The following LAMB1 variants were observed in gnomAD, a reference collection of about 807,000 sequenced individuals.
LAMB1 encodes laminin subunit beta 1.
LAMB1 carries 121 observed loss-of-function variants against 222.3 expected under a neutral mutation model. That is an observed-to-expected ratio of 0.54 (90% CI 0.47 to 0.63). The LOEUF (loss-of-function observed/expected upper bound fraction) is 0.63, where lower values mean the gene tolerates loss of function less well. LAMB1 is among the 30% of genes least tolerant of loss of function. The probability of loss-of-function intolerance (pLI) is 0.00; values close to 1 mark genes in which losing one functional copy is unlikely to be tolerated. For missense variants in LAMB1, 2,172 were observed against 2,240.8 expected (o/e 0.97, Z 0.62); for synonymous variants, 794 against 807.2 (o/e 0.98, Z 0.28).
rs533128219 is a variant in LAMB1, at chr7:107,924,113, G to A, written c.5225-26C>T. 14 of 1,519,084 alleles carry A rather than the reference G, an allele frequency of 9.2e-6. No individual in the cohort carries two copies. In the South Asian group the frequency reaches 1.7e-4, roughly 19 times the overall value. The allele number at this position is 1,519,084 out of a possible 1,614,324, so 94.1% of individuals were successfully genotyped here. ...CTGTGGGGAGATATATATATATAAA[G>A]TCTGAGCAATTTATACTATGATGAT... On this transcript the variant is annotated intron_variant, in intron 33 of 33. Coordinates refer to ENST00000222399, the MANE Select transcript of LAMB1 (RefSeq NM_002291.3).
intron 8 of LAMB1, among the ~76,000 whole-genome samples, chr7:107,978,848 C>T (rs964748582): frequency 2.0e-5 from 3 of 152,120 alleles, no homozygotes; most frequent in African/African-American, 4.8e-5. Flanking sequence ...GGCACACTTA[C>T]GACCCTTGAG....
chr7:107,977,770 A>T (rs559533983), intron 9 of LAMB1, among the ~76,000 whole-genome samples: 1 of 152,088 alleles, frequency 6.6e-6, no homozygotes, highest in South Asian at 2.1e-4. Flanking sequence ...AAAAAAAACC[A>T]AAAAACAAAA....
At position 107,926,327 on chromosome 7, in the gene LAMB1, G is replaced by T. The variant is rs150786846; in HGVS notation, c.4920C>A (p.Thr1640=). ...IESETAASEE[T]LFNASQRISE... ...TGATGCGCTGGGACGCGTTGAACAA[G>T]GTTTCCTCAGAAGCTGCTGTTTCAG... The change falls in exon 32 of 34, where the codon ACC becomes ACA. Residue 1640 remains threonine, a synonymous_variant. Transcript: ENST00000222399. The T allele has an allele frequency of 1.2e-4, 197 of 1,613,742 alleles. No homozygotes were observed. The highest frequency in any genetic ancestry group is 1.5e-4 in the Non-Finnish European group (173 of 1,179,846).
At chr7:107,974,713 C>G (rs2033816675) in intron 12 of LAMB1, among the ~76,000 whole-genome samples, 1 of 152,136 alleles carries the variant, frequency 6.6e-6, no homozygotes. Flanking sequence ...CTCATGATAT[C>G]CTAATAGTAA....
rs79590733 is a variant in LAMB1 at position 107,975,116 on chromosome 7, G to A, written c.1370-18C>T. On this transcript the variant is annotated intron_variant, in intron 11 of 33. Coordinates refer to ENST00000222399, the MANE Select transcript of LAMB1 (RefSeq NM_002291.3). Reference sequence around the variant, plus strand: ...AGCACAAGCTGTATTAAAACAAAATGAAGTGGAGAAACACAGACCACGTGA... The same window carrying A: ...AGCACAAGCTGTATTAAAACAAAATAAAGTGGAGAAACACAGACCACGTGA... 7.8e-4 allele frequency: 1,222 copies of A among 1,562,386 alleles called. 5 individuals carry two copies. The African/African-American group carries it at 0.013, about 17-fold the overall frequency.
At chr7:107,935,347 G>GGTTTTTT in intron 27 of LAMB1, 68 bp downstream of exon 27, 1 of 1,171,424 alleles carries the variant, frequency 8.5e-7, no homozygotes, top group African/African-American at 2.5e-5. Flanking sequence ...GTTTTTCTTT[G>GGTTTTTT]TTTTTTTTTT....
chr7:107,935,347 GTTTTTTTTTTTTT>G (rs200599445), intron 27 of LAMB1, 55 bp downstream of exon 27: 442,651 of 1,170,374 alleles, frequency 0.38, 29,668 homozygotes, highest in Non-Finnish European at 0.4. Flanking sequence ...GTTTTTCTTT[GTTTTTTTTTTTTT>G]TTTTTTTTTT....
At chr7:107,992,876 T>A (rs531772271) in intron 5 of LAMB1, among the ~76,000 whole-genome samples, 1 of 151,932 alleles carries the variant, frequency 6.6e-6, no homozygotes, top group East Asian at 1.9e-4. Context: ...GCCTGGGCAA[T>A]AGAGCAAGAC....
At chr7:107,940,902 T>G (rs1282879515) in intron 24 of LAMB1, among the ~76,000 whole-genome samples, 1 of 152,198 alleles carries the variant, frequency 6.6e-6, no homozygotes, top group Non-Finnish European at 1.5e-5. Context: ...GAGAAGCTCT[T>G]TACGTACCTG....
chr7:107,981,658 A>G (rs1180882698), intron 7 of LAMB1, among the ~76,000 whole-genome samples: 1 of 152,222 alleles, frequency 6.6e-6, no homozygotes, highest in Admixed American at 6.5e-5. Flanking sequence ...CTGCGGGCAG[A>G]CAGTAATTTG....
intron 7 of LAMB1, among the ~76,000 whole-genome samples, chr7:107,981,649 T>G (rs916330825): frequency 6.6e-6 from 1 of 152,208 alleles, no homozygotes; most frequent in Non-Finnish European, 1.5e-5. Context: ...TGCTGGAACC[T>G]GCGGGCAGAC....
At chr7:107,981,221 C>T (rs544441307) in intron 7 of LAMB1, among the ~76,000 whole-genome samples, 137 of 152,050 alleles carry the variant, frequency 9.0e-4, no homozygotes, top group Middle Eastern at 3.4e-3. Context: ...CCGAGGTGGG[C>T]GGATCACCTG....
chr7:107,982,894 T>C (rs2701040), intron 7 of LAMB1, among the ~76,000 whole-genome samples: 90,891 of 152,070 alleles, frequency 0.6, 27,836 homozygotes, highest in African/African-American at 0.71. Context: ...TTCTCCGATG[T>C]CATTTAACCA....
rs760385842 is a variant in LAMB1, at chr7:107,953,687, C to G, written c.2922G>C (p.Gln974His). 10 of 1,614,064 alleles carry G rather than the reference C, an allele frequency of 6.2e-6. No individual in the cohort carries two copies. The South Asian group carries it at 1.1e-4, about 18-fold the overall frequency. Residue 974 changes from glutamine (Q) to histidine (H), a missense_variant, in exon 22 of 34, where the codon CAG becomes CAC. Coordinates refer to ENST00000222399, the MANE Select transcript of LAMB1 (RefSeq NM_002291.3). ...GNPSEVGGSC[Q>H]PCQCHNNIDT... ...CAATGTTGTTGTGACACTGGCAAGG[C>G]TGACACGACCCCCCAACTTCTGATG...
chr7:107,975,129 A>G lies in LAMB1; in HGVS notation c.1370-31T>C, dbSNP rs181190903. ...TTAAAACAAAATGAAGTGGAGAAAC[A>G]CAGACCACGTGAGTTTCAAATAATA... On this transcript the variant is annotated intron_variant, in intron 11 of 33. Coordinates refer to ENST00000222399, the MANE Select transcript of LAMB1 (RefSeq NM_002291.3). The G allele has an allele frequency of 3.3e-4, 508 of 1,534,440 alleles. 1 individual carries two copies. The African/African-American group carries it at 6.5e-3, about 20-fold the overall frequency.
chr7:107,927,375 A>G (rs767748128), intron 31 of LAMB1, among the ~76,000 whole-genome samples: 7 of 152,008 alleles, frequency 4.6e-5, no homozygotes, highest in East Asian at 1.9e-4. Flanking sequence ...CAGAACCCCA[A>G]TTATTAACTT....
At chr7:108,002,400 GACAA>G (rs1379858322) in intron 2 of LAMB1, 17 of 1,313,142 alleles carry the variant, frequency 1.3e-5, no homozygotes, top group East Asian at 1.1e-4. Flanking sequence ...GCCATCCGGA[GACAA>G]ACAGAGATGG....
Position 107,992,058 on chromosome 7 carries a change from C to T in LAMB1, c.423+2829G>A, listed in dbSNP as rs147939095. On this transcript the variant is annotated intron_variant, in intron 5 of 33. Transcript: ENST00000222399. ...CTTTCCTTTCCTTCTCTCACTACCCCAAACTCGAGGCAAATCTACATAGCA... is the reference window on the plus strand; with the variant it reads ...CTTTCCTTTCCTTCTCTCACTACCCTAAACTCGAGGCAAATCTACATAGCA... Among the ~76,000 whole-genome samples the T allele has an allele frequency of 1.6e-4, 25 of 152,202 alleles. No individual in the cohort carries two copies. In the East Asian group the frequency reaches 4.1e-3, roughly 25 times the overall value.
At chr7:107,955,975 G>A (rs111962750) in intron 20 of LAMB1, among the ~76,000 whole-genome samples, 4,716 of 152,280 alleles carry the variant, frequency 0.031, 245 homozygotes, top group African/African-American at 0.11. Flanking sequence ...TCAGCACGCT[G>A]CAACCTCCAC....
Sources: gnomAD v4.1 joint callset for allele counts (sites outside exome capture counted in the v4.1 genomes callset) on GRCh38, gnomAD v4.1.1 for gene constraint, MANE v1.5 for transcripts, NCBI Gene and HGNC (gene_info 2026-07-23, HGNC 2026-07-21) for gene names.